The following OPCML variants were observed in gnomAD, a reference collection of about 807,000 sequenced individuals.
The protein encoded by OPCML is opioid binding protein/cell adhesion molecule like, also known as opioid-binding protein/cell adhesion molecule.
In OPCML, 13 loss-of-function variants were observed where a neutral mutation model predicts 37.8. The ratio of observed to expected loss-of-function variants is 0.34; its 90% CI spans 0.22 to 0.55. The LOEUF is 0.55. Among genes scored for constraint, OPCML ranks in the 20% least tolerant of loss-of-function variants. OPCML has a pLI of 0.91. For missense variants in OPCML, 341 were observed against 435.6 expected (o/e 0.78, Z 1.93); for synonymous variants, 176 against 168.8 (o/e 1.04, Z -0.33).
At chr11:133,394,669 T>C (rs1053826570) in intron 1 of OPCML, among the ~76,000 whole-genome samples, 1 of 152,168 alleles carries the variant, frequency 6.6e-6, no homozygotes, top group African/African-American at 2.4e-5. Flanking sequence ...TCTGTCTTTC[T>C]GCGCCTGGCT....
intron 1 of OPCML, among the ~76,000 whole-genome samples, chr11:132,985,706 A>C (rs1210811174): frequency 6.6e-6 from 1 of 152,152 alleles, no homozygotes; most frequent in Non-Finnish European, 1.5e-5. Context: ...AGTTCCGTTC[A>C]CCCTCAAAAG....
chr11:132,749,501 G>A (rs572584735), intron 2 of OPCML, among the ~76,000 whole-genome samples: 2 of 152,258 alleles, frequency 1.3e-5, no homozygotes, highest in South Asian at 4.1e-4. Flanking sequence ...GACAAGTTAA[G>A]TTTGGAAAAC....
chr11:132,804,922 A>C (rs1052975517), intron 2 of OPCML, among the ~76,000 whole-genome samples: 1 of 152,258 alleles, frequency 6.6e-6, no homozygotes, highest in Non-Finnish European at 1.5e-5. Context: ...TTAAGAATAA[A>C]ATCCACCAAT....
At chr11:133,409,082 G>C (rs988114978) in intron 1 of OPCML, among the ~76,000 whole-genome samples, 3 of 152,158 alleles carry the variant, frequency 2.0e-5, no homozygotes, top group Non-Finnish European at 4.4e-5. Flanking sequence ...AGCTGTGAGG[G>C]GGACGAGCGT....
chr11:132,729,978 T>G (rs1321741891), intron 2 of OPCML, among the ~76,000 whole-genome samples: 1 of 151,894 alleles, frequency 6.6e-6, no homozygotes, highest in Non-Finnish European at 1.5e-5. Context: ...AGGGTTCGGA[T>G]TTTGTTTACC....
At chr11:133,347,318 A>G (rs917499830) in intron 1 of OPCML, among the ~76,000 whole-genome samples, 3 of 152,190 alleles carry the variant, frequency 2.0e-5, no homozygotes, top group African/African-American at 7.2e-5. Flanking sequence ...GGGAGCTGCA[A>G]CTGGTTTGCC....
At chr11:132,893,082 T>C (rs569310383) in intron 2 of OPCML, among the ~76,000 whole-genome samples, 1 of 152,206 alleles carries the variant, frequency 6.6e-6, no homozygotes, top group African/African-American at 2.4e-5. Context: ...CCCTTGTTTT[T>C]GAAATCGTCA....
rs1000976584 is a variant in OPCML, at chr11:133,204,605, C to T, written c.62-261595G>A. On this transcript the variant is annotated intron_variant, in intron 1 of 7. Coordinates refer to ENST00000524381, the MANE Select transcript of OPCML (RefSeq NM_001012393.5). ...TTGGGTTTTGTGTGTTTGGGTATTT[C>T]GTGTTGATATTCCTAAACTGACAAT... 1.2e-4 allele frequency among the ~76,000 whole-genome samples: 18 copies of T among 152,040 alleles called. 1 individual carries two copies. The highest frequency in any genetic ancestry group is 6.8e-3 in the Middle Eastern group (2 of 294).
intron 1 of OPCML, among the ~76,000 whole-genome samples, chr11:133,133,925 T>C (rs1484134612): frequency 1.3e-5 from 2 of 152,160 alleles, no homozygotes; most frequent in Non-Finnish European, 1.5e-5. Context: ...TTGTTAATGA[T>C]TCAACATGAA....
chr11:133,489,788 T>C (rs1947612672), intron 1 of OPCML, among the ~76,000 whole-genome samples: 1 of 151,956 alleles, frequency 6.6e-6, no homozygotes, highest in African/African-American at 2.4e-5. Context: ...TCAAGCTAAG[T>C]GTCCATCAAC....
chr11:132,800,878 C>T (rs1938608734), intron 2 of OPCML, among the ~76,000 whole-genome samples: 1 of 151,984 alleles, frequency 6.6e-6, no homozygotes, highest in Non-Finnish European at 1.5e-5. Context: ...GATGTACTTG[C>T]CTTTTTTGGT....
chr11:132,719,894 T>A (rs1433633982), intron 2 of OPCML, among the ~76,000 whole-genome samples: 1 of 152,110 alleles, frequency 6.6e-6, no homozygotes, highest in Non-Finnish European at 1.5e-5. Flanking sequence ...CCACATGCAC[T>A]CCAGGAAGGC....
chr11:132,476,723 G>A (rs1001542847), intron 4 of OPCML, among the ~76,000 whole-genome samples: 12 of 151,900 alleles, frequency 7.9e-5, no homozygotes, highest in Non-Finnish European at 1.0e-4. Context: ...ATAGCATTAC[G>A]AGATATACCA....
chr11:132,472,789 G>A (rs549382519), intron 4 of OPCML, among the ~76,000 whole-genome samples: 1 of 152,308 alleles, frequency 6.6e-6, no homozygotes, highest in East Asian at 1.9e-4. Flanking sequence ...TCACTGCAGG[G>A]GGCAGTGGAA....
chr11:133,157,337 T>C (rs990771442), intron 1 of OPCML, among the ~76,000 whole-genome samples: 2 of 152,208 alleles, frequency 1.3e-5, no homozygotes, highest in Non-Finnish European at 2.9e-5. Context: ...TCCAGGCAGC[T>C]GCAGTCGGAG....
intron 2 of OPCML, among the ~76,000 whole-genome samples, chr11:132,898,846 C>G (rs552074789): frequency 5.9e-5 from 9 of 151,800 alleles, no homozygotes; most frequent in African/African-American, 1.5e-4. Flanking sequence ...CTGCCCCCCC[C>G]ACCCCCGCAG....
chr11:133,497,876 C>T (rs912447401), intron 1 of OPCML, among the ~76,000 whole-genome samples: 9 of 152,188 alleles, frequency 5.9e-5, no homozygotes, highest in East Asian at 1.9e-4. Context: ...CTCTGAGTCC[C>T]GGCAAATTAA....
intron 4 of OPCML, among the ~76,000 whole-genome samples, chr11:132,444,654 C>A (rs989916920): frequency 1.3e-5 from 2 of 152,066 alleles, no homozygotes; most frequent in African/African-American, 4.8e-5. Context: ...CCCTGCAGAA[C>A]TCCCCCTCTC....
intron 1 of OPCML, among the ~76,000 whole-genome samples, chr11:133,040,828 G>A (rs1947878695): frequency 1.3e-5 from 2 of 152,120 alleles, no homozygotes; most frequent in Admixed American, 1.3e-4. Flanking sequence ...GAGAAAGGGT[G>A]AAGTACAGGG....
Sources: gnomAD v4.1 joint callset for allele counts (sites outside exome capture counted in the v4.1 genomes callset) on GRCh38, gnomAD v4.1.1 for gene constraint, MANE v1.5 for transcripts, NCBI Gene and HGNC (gene_info 2026-07-23, HGNC 2026-07-21) for gene names.